The following SEMA5B variants were observed in gnomAD, a reference collection of about 807,000 sequenced individuals.
SEMA5B encodes the protein semaphorin 5B.
SEMA5B carries 66 observed loss-of-function variants against 135.0 expected under a neutral mutation model. The observed-to-expected ratio is 0.49, with a 90% confidence interval of 0.40 to 0.60. SEMA5B has a LOEUF of 0.60. Among genes scored for constraint, SEMA5B ranks in the 20% least tolerant of loss-of-function variants. SEMA5B has a pLI of 0.00. For synonymous variants in SEMA5B, 690 were observed against 639.5 expected, an observed-to-expected ratio of 1.08 and a Z score of -1.19; for missense variants, 1,501 against 1,566.3, an observed-to-expected ratio of 0.96 and a Z score of 0.70.
At chr3:123,019,551 T>C (rs1942631855) in intron 1 of SEMA5B, among the ~76,000 whole-genome samples, 2 of 152,186 alleles carry the variant, frequency 1.3e-5, no homozygotes. Flanking sequence ...ATTGCACCAT[T>C]ACACTCCGGC....
rs560805127 is a variant in SEMA5B, at chr3:123,027,634, C to T, written c.-209G>A. ...GGTGCAGTCCCCACCCGGGCCCGCGCCCGCTGCGCTCGGGCTCCCAGCAGC... is the reference window on the plus strand; with the variant it reads ...GGTGCAGTCCCCACCCGGGCCCGCGTCCGCTGCGCTCGGGCTCCCAGCAGC... On this transcript the variant is annotated 5_prime_UTR_variant, in exon 1 of 23. Coordinates refer to ENST00000357599, the MANE Select transcript of SEMA5B (RefSeq NM_001031702.4). The T allele has an allele frequency of 9.9e-5, 15 of 152,166 alleles. No individual in the cohort carries two copies. Among genetic ancestry groups the T allele is most frequent in the African/African-American group, 2.2e-4 (9 of 41,432 alleles). The allele number at this position is 152,166 out of a possible 1,614,324, so 9.4% of individuals were successfully genotyped here.
chr3:122,910,376 TC>T, intron 22 of SEMA5B, 75 bp from the exon 23 acceptor site: 1 of 1,501,692 alleles, frequency 6.7e-7, no homozygotes, highest in Non-Finnish European at 9.1e-7. Context: ...GAGCAAGGAG[TC>T]CAGAAGCCAG....
At chr3:122,939,674 A>G (rs1250559765) in intron 4 of SEMA5B, among the ~76,000 whole-genome samples, 1 of 152,182 alleles carries the variant, frequency 6.6e-6, no homozygotes, top group Non-Finnish European at 1.5e-5. Flanking sequence ...CAAGTTACAG[A>G]TGAAGAAGCA....
In SEMA5B at chr3:122,910,917, G is replaced by T; in HGVS notation, c.3220C>A (p.Pro1074Thr). The change falls in exon 22 of 23, where the codon CCT becomes ACT. Residue 1074 changes from proline (P) to threonine (T), a missense_variant. Physicochemically the swap from Pro to Thr is conservative, Grantham distance 38. Around this residue, in one of 2 missense-constraint regions of SEMA5B, gnomAD observed 927 missense variants for 881.6 expected, o/e 1.05. Transcript: ENST00000357599. ...TAGTGCAAATGGTTGGGGGTGGCAG[G>T]ATGGACCAGTGTGGACTCCTGGGAC... ...RQSQESTLVH[P>T]ATPNHLHYKG... 6.2e-7 allele frequency: 1 copy of T among 1,613,846 alleles called. No homozygotes were observed. Among genetic ancestry groups the T allele is most frequent in the Non-Finnish European group, 8.5e-7 (1 of 1,180,014 alleles).
intron 3 of SEMA5B, among the ~76,000 whole-genome samples, chr3:122,943,771 G>A (rs1319812849): frequency 1.3e-5 from 2 of 152,130 alleles, no homozygotes; most frequent in African/African-American, 4.8e-5. Context: ...CCCCACAGAG[G>A]CATGAAGGGA....
chr3:122,912,454 T>A, intron 18 of SEMA5B, 112 bp from the exon 19 acceptor site: 1 of 920,290 alleles, frequency 1.1e-6, no homozygotes, highest in Non-Finnish European at 1.6e-6. Context: ...GACCTCAACA[T>A]CCACCCGATC....
chr3:122,972,882 C>A (rs1418955525), intron 1 of SEMA5B, among the ~76,000 whole-genome samples: 1 of 152,132 alleles, frequency 6.6e-6, no homozygotes, highest in Admixed American at 6.6e-5. Flanking sequence ...GAAGTTAGCC[C>A]AGGTCTGCCT....
intron 5 of SEMA5B, among the ~76,000 whole-genome samples, chr3:122,939,029 G>A (rs1226301539): frequency 6.6e-6 from 1 of 152,204 alleles, no homozygotes; most frequent in African/African-American, 2.4e-5. Context: ...ACCCTCCTGT[G>A]GAGCCAGGTC....
chr3:123,026,482 C>T (rs1366561606), intron 1 of SEMA5B, among the ~76,000 whole-genome samples: 2 of 152,114 alleles, frequency 1.3e-5, no homozygotes, highest in South Asian at 2.1e-4. Context: ...GCCAGAACGG[C>T]GCTGCAGGTG....
upstream of SEMA5B, among the ~76,000 whole-genome samples, chr3:123,027,992 C>T (rs1394106588): frequency 6.6e-6 from 1 of 152,182 alleles, no homozygotes; most frequent in Non-Finnish European, 1.5e-5. Context: ...GTGTGGTGAC[C>T]AGCCCGGTGG....
At chr3:123,025,994 G>A (rs1465829158) in intron 1 of SEMA5B, among the ~76,000 whole-genome samples, 1 of 152,158 alleles carries the variant, frequency 6.6e-6, no homozygotes, top group Non-Finnish European at 1.5e-5. Flanking sequence ...AAAGGTGAGA[G>A]GCCACTGCTG....
At chr3:122,971,215 C>T (rs1941099725) in intron 1 of SEMA5B, among the ~76,000 whole-genome samples, 1 of 152,250 alleles carries the variant, frequency 6.6e-6, no homozygotes, top group African/African-American at 2.4e-5. Flanking sequence ...TGGTTAATGT[C>T]TGCAAACTGG....
upstream of SEMA5B, among the ~76,000 whole-genome samples, chr3:123,028,089 G>T (rs1466361443): frequency 6.6e-6 from 1 of 152,140 alleles, no homozygotes; most frequent in Non-Finnish European, 1.5e-5. Flanking sequence ...CCGCCTTGCC[G>T]TTCTCGGTCA....
intron 1 of SEMA5B, among the ~76,000 whole-genome samples, chr3:122,983,908 A>G (rs1404189957): frequency 1.3e-5 from 2 of 152,054 alleles, no homozygotes; most frequent in Non-Finnish European, 2.9e-5. Context: ...GCAGAGGGAA[A>G]GGGAGTGGTA....
chr3:123,001,024 G>T (rs942888192), intron 1 of SEMA5B, among the ~76,000 whole-genome samples: 1 of 152,170 alleles, frequency 6.6e-6, no homozygotes, highest in East Asian at 1.9e-4. Context: ...TCCCCAGGAG[G>T]CAGCCCTGGG....
Position 122,912,236 on chromosome 3 carries a change from T to C in SEMA5B, c.2832A>G (p.Pro944=), listed in dbSNP as rs755451991. 3 of 1,611,944 alleles carry C rather than the reference T, an allele frequency of 1.9e-6. No individual in the cohort carries two copies. Among genetic ancestry groups the C allele is most frequent in the Non-Finnish European group, 2.5e-6 (3 of 1,178,868 alleles). ...GCAGCCCGAGACAGATGTCCTCACC[T>C]GGGGAGGGTGCGGGGCTGGTGCAGG... ...TRSCTSPAPS[P]GEDICLGLHT... Residue 944 remains proline, a synonymous_variant, in exon 19 of 23, where the codon CCA becomes CCG. Transcript: ENST00000357599.
intron 5 of SEMA5B, among the ~76,000 whole-genome samples, chr3:122,936,834 T>TC (rs1195137388): frequency 1.7e-4 from 26 of 152,146 alleles, no homozygotes; most frequent in Non-Finnish European, 1.0e-4. Flanking sequence ...CTGCACCTCT[T>TC]CCCTACTTCA....
chr3:122,910,249 A>G lies in SEMA5B; in HGVS notation c.3350T>C (p.Leu1117Ser). ...IPDDRANFYP[L>S]QQTNVYTTTY... ...AGTCGTGTACACATTGGTCTGCTGC[A>G]ATGGGTAGAAGTTGGCTCTGTCATC... Residue 1117 changes from leucine (L) to serine (S), a missense_variant, in exon 23 of 23, where the codon TTG (leucine) becomes TCG (serine). Physicochemically the swap from Leu to Ser is moderately radical, Grantham distance 145. Around this residue, in one of 2 missense-constraint regions of SEMA5B, gnomAD observed 927 missense variants for 881.6 expected, o/e 1.05. Coordinates refer to ENST00000357599, the MANE Select transcript of SEMA5B (RefSeq NM_001031702.4). The G allele has an allele frequency of 3.7e-6, 6 of 1,614,196 alleles. No individual in the cohort carries two copies. Among genetic ancestry groups the G allele is most frequent in the Non-Finnish European group, 5.1e-6 (6 of 1,180,008 alleles).
At chr3:123,017,889 C>A (rs1199074725) in intron 1 of SEMA5B, among the ~76,000 whole-genome samples, 1 of 147,712 alleles carries the variant, frequency 6.8e-6, no homozygotes, top group Non-Finnish European at 1.5e-5. Context: ...GCCTGGGCGA[C>A]AGAGTGAGTG....
Sources: gnomAD v4.1 joint callset for allele counts (sites outside exome capture counted in the v4.1 genomes callset) on GRCh38, gnomAD v4.1.1 for gene constraint, gnomAD v4.1.1 regional missense constraint, MANE v1.5 for transcripts, NCBI Gene and HGNC (gene_info 2026-07-23, HGNC 2026-07-21) for gene names.